The following TPTE variants were observed in gnomAD, a reference collection of about 807,000 sequenced individuals.
The protein encoded by TPTE is transmembrane phosphatase with tensin homology, also known as putative tyrosine-protein phosphatase TPTE.
Under a neutral mutation model 84.1 loss-of-function variants are expected in TPTE, and 59 were observed. That is an observed-to-expected ratio of 0.70 (90% CI 0.57 to 0.87). The LOEUF (loss-of-function observed/expected upper bound fraction) is 0.87. Ranked by LOEUF, TPTE falls within the 40% of genes least tolerant of loss-of-function variation. The pLI is 0.00. For missense variants in TPTE, 382 were observed against 659.6 expected (o/e 0.58, Z 4.61); for synonymous variants, 130 against 223.5 (o/e 0.58, Z 3.73).
chr21:10,590,716 A>G (rs1249058782), intron 18 of TPTE, among the ~76,000 whole-genome samples, 193 bp downstream of exon 18: 2 of 152,308 alleles, frequency 1.3e-5, no homozygotes, highest in Non-Finnish European at 2.9e-5. Flanking sequence ...CTGACTTCAG[A>G]ATCTCTTTGG....
At chr21:10,537,700 GAA>G (rs2074292509) in intron 3 of TPTE, among the ~76,000 whole-genome samples, 2 of 151,546 alleles carry the variant, frequency 1.3e-5, no homozygotes, top group African/African-American at 4.8e-5. Flanking sequence ...AAAGAAAAAA[GAA>G]AAAGAAATAA....
chr21:10,580,505 T>A (rs2075252961), intron 17 of TPTE, among the ~76,000 whole-genome samples: 1 of 152,312 alleles, frequency 6.6e-6, no homozygotes, highest in African/African-American at 2.4e-5. Context: ...AGTTAAGCAT[T>A]TACTTTGAGT....
At chr21:10,540,925 AC>A (rs1273917363) in intron 4 of TPTE, among the ~76,000 whole-genome samples, 186 bp from the exon 5 acceptor site, 22 of 152,304 alleles carry the variant, frequency 1.4e-4, no homozygotes, top group Admixed American at 1.4e-3. Flanking sequence ...TAAAATGCTC[AC>A]TGTTGGCATA....
At chr21:10,554,203 C>G (rs1422274754) in intron 8 of TPTE, among the ~76,000 whole-genome samples, 2 of 152,306 alleles carry the variant, frequency 1.3e-5, no homozygotes, top group Admixed American at 6.5e-5. Context: ...TGTGATATTT[C>G]ATGGTGTAGA....
At chr21:10,558,751 CTGTGTT>C (rs2074733368) in intron 8 of TPTE, among the ~76,000 whole-genome samples, 2 of 143,174 alleles carry the variant, frequency 1.4e-5, no homozygotes, top group Admixed American at 6.9e-5. Context: ...CTGAAGCCTC[CTGTGTT>C]GGAGGCTTCT....
chr21:10,580,670 T>G (rs1393890404), intron 17 of TPTE, among the ~76,000 whole-genome samples: 1 of 151,920 alleles, frequency 6.6e-6, no homozygotes, highest in Non-Finnish European at 1.5e-5. Flanking sequence ...AATGCATGGA[T>G]TTTTTCTGGG....
chr21:10,539,469 T>A (rs535815159), intron 4 of TPTE, among the ~76,000 whole-genome samples: 32 of 152,400 alleles, frequency 2.1e-4, no homozygotes, highest in African/African-American at 6.7e-4. Flanking sequence ...GGGCCATAGA[T>A]GGGATTAGGA....
At chr21:10,525,359 A>G (rs1478169363) in intron 2 of TPTE, among the ~76,000 whole-genome samples, 1 of 152,306 alleles carries the variant, frequency 6.6e-6, no homozygotes, top group South Asian at 2.1e-4. Context: ...TTTAGAGACG[A>G]CACCCAAGGC....
At chr21:10,596,293 C>G (rs1206060011) in intron 20 of TPTE, among the ~76,000 whole-genome samples, 1 of 152,306 alleles carries the variant, frequency 6.6e-6, no homozygotes, top group East Asian at 1.9e-4. Flanking sequence ...TTCACTTTTT[C>G]TTTTCCATCA....
intron 14 of TPTE, chr21:10,576,629 A>G (rs1172948314): frequency 1.3e-5 from 2 of 152,552 alleles, no homozygotes; most frequent in Non-Finnish European, 2.9e-5. Flanking sequence ...TTTTCTCAAT[A>G]TTAAGCCAGT....
At chr21:10,582,598 A>G (rs559124529) in intron 17 of TPTE, among the ~76,000 whole-genome samples, 1 of 152,310 alleles carries the variant, frequency 6.6e-6, no homozygotes, top group Non-Finnish European at 1.5e-5. Flanking sequence ...TTCTTTAATA[A>G]TATTTTATAC....
intron 17 of TPTE, among the ~76,000 whole-genome samples, chr21:10,589,223 G>A (rs1262905136): frequency 1.3e-5 from 2 of 152,270 alleles, no homozygotes; most frequent in African/African-American, 4.8e-5. Flanking sequence ...CTCCCTAGAG[G>A]GTGTGACTGT....
chr21:10,550,083 A>AG (rs1172765340), intron 7 of TPTE, among the ~76,000 whole-genome samples: 1 of 152,308 alleles, frequency 6.6e-6, no homozygotes, highest in Non-Finnish European at 1.5e-5. Flanking sequence ...TTACAAATGA[A>AG]GAAGACATAA....
intron 19 of TPTE, among the ~76,000 whole-genome samples, chr21:10,594,398 A>C (rs2145783811): frequency 6.6e-6 from 1 of 152,430 alleles, no homozygotes; most frequent in East Asian, 1.9e-4. Context: ...TATCCCCTTT[A>C]AAGGCAAAGC....
intron 8 of TPTE, among the ~76,000 whole-genome samples, chr21:10,556,064 G>GT (rs2074677464): frequency 6.6e-6 from 1 of 152,296 alleles, no homozygotes; most frequent in Non-Finnish European, 1.5e-5. Flanking sequence ...TTATTATACT[G>GT]TAAGTTCTAG....
At chr21:10,555,513 C>T (rs1215397564) in intron 8 of TPTE, among the ~76,000 whole-genome samples, 1 of 152,312 alleles carries the variant, frequency 6.6e-6, no homozygotes, top group Admixed American at 6.5e-5. Flanking sequence ...GCCGCTATCT[C>T]TTTATTTTTG....
chr21:10,550,046 G>C (rs212116), intron 7 of TPTE, among the ~76,000 whole-genome samples: 15,131 of 146,816 alleles, frequency 0.1, 4 homozygotes, highest in African/African-American at 0.27. Context: ...TTTCAGCCAA[G>C]AATATTATAG....
intron 14 of TPTE, among the ~76,000 whole-genome samples, chr21:10,576,838 CATATATAT>C (rs56285862): frequency 0.097 from 13,220 of 136,156 alleles, 4 homozygotes; most frequent in Middle Eastern, 0.16. Flanking sequence ...TACATATATA[CATATATAT>C]ATATATATAT....
At chr21:10,537,461 G>A (rs1266626859) in intron 3 of TPTE, among the ~76,000 whole-genome samples, 1 of 152,300 alleles carries the variant, frequency 6.6e-6, no homozygotes, top group Admixed American at 6.5e-5. Context: ...GGTGGATCAC[G>A]AGGTCAGGAG....
Sources: allele counts gnomAD v4.1 joint callset (sites outside exome capture counted in the v4.1 genomes callset), GRCh38; gene constraint gnomAD v4.1.1; transcripts MANE v1.5; gene names NCBI Gene and HGNC (gene_info 2026-07-23, HGNC 2026-07-21).